The following CWF19L2 variants were observed in gnomAD, a reference collection of about 807,000 sequenced individuals.
CWF19L2 encodes CWF19 like cell cycle control factor 2.
In CWF19L2, 98 loss-of-function variants were observed where a neutral mutation model predicts 111.7. The ratio of observed to expected loss-of-function variants is 0.88; its 90% CI spans 0.75 to 1.04. The LOEUF (loss-of-function observed/expected upper bound fraction) is 1.04. CWF19L2 is among the 50% of genes least tolerant of loss of function. The pLI, the probability that CWF19L2 is intolerant of heterozygous loss-of-function variation, is 0.00. For missense variants in CWF19L2, 1,101 were observed against 1,051.4 expected, an observed-to-expected ratio of 1.05 and a Z score of -0.65; for synonymous variants, 351 against 342.9, an observed-to-expected ratio of 1.02 and a Z score of -0.26.
intron 12 of CWF19L2, among the ~76,000 whole-genome samples, chr11:107,384,761 C>T (rs1244792280): frequency 6.6e-6 from 1 of 152,194 alleles, no homozygotes; most frequent in African/African-American, 2.4e-5. Context: ...AAAATATTTA[C>T]TGTCTGGCCC....
At chr11:107,373,076 C>T (rs7106823) in intron 12 of CWF19L2, among the ~76,000 whole-genome samples, 3,520 of 27,148 alleles carry the variant, frequency 0.13, 1,013 homozygotes, top group African/African-American at 0.22. Context: ...GCTTAAAAAA[C>T]GGCACACTAC....
intron 16 of CWF19L2, among the ~76,000 whole-genome samples, chr11:107,332,990 C>T (rs1715614062): frequency 4.6e-5 from 7 of 151,826 alleles, no homozygotes; most frequent in Admixed American, 4.6e-4. Flanking sequence ...TGGTGGTGCG[C>T]TCCTGTATTC....
At chr11:107,450,671 C>T (rs1434988732) in intron 3 of CWF19L2, among the ~76,000 whole-genome samples, 1 of 151,952 alleles carries the variant, frequency 6.6e-6, no homozygotes, top group African/African-American at 2.4e-5. Flanking sequence ...TACATTAAAA[C>T]TAAAAGAATT....
At chr11:107,416,356 A>G in intron 9 of CWF19L2, 58 bp from the exon 10 acceptor site, 1 of 724,834 alleles carries the variant, frequency 1.4e-6, no homozygotes, top group South Asian at 2.5e-5. Context: ...CTTTACGACA[A>G]AATGTTCAAA....
chr11:107,385,113 C>T (rs950770996), intron 12 of CWF19L2, among the ~76,000 whole-genome samples: 5 of 151,798 alleles, frequency 3.3e-5, no homozygotes, highest in East Asian at 1.9e-4. Context: ...CTTTTAGTAA[C>T]GCCTCAAATT....
intron 9 of CWF19L2, 71 bp from the exon 10 acceptor site, chr11:107,416,369 T>C: frequency 1.6e-6 from 1 of 637,052 alleles, no homozygotes. Flanking sequence ...TGTTCAAATT[T>C]ACACAACAGA....
chr11:107,387,097 C>G (rs1357016806), intron 12 of CWF19L2, among the ~76,000 whole-genome samples: 1 of 151,862 alleles, frequency 6.6e-6, no homozygotes, highest in African/African-American at 2.4e-5. Context: ...ATGGGAGAAC[C>G]AGCATCTACC....
At chr11:107,363,453 AT>A (rs1252060585) in intron 12 of CWF19L2, among the ~76,000 whole-genome samples, 1 of 152,046 alleles carries the variant, frequency 6.6e-6, no homozygotes. Context: ...AGGGAAGCCC[AT>A]CAGACTACCA....
intron 16 of CWF19L2, among the ~76,000 whole-genome samples, chr11:107,331,674 G>A (rs532014762): frequency 6.6e-6 from 1 of 152,188 alleles, no homozygotes; most frequent in South Asian, 2.1e-4. Context: ...AATCTATGGC[G>A]TTTTAGGCCA....
intron 8 of CWF19L2, among the ~76,000 whole-genome samples, chr11:107,425,734 T>A (rs1011589200): frequency 6.6e-6 from 1 of 151,926 alleles, no homozygotes; most frequent in Non-Finnish European, 1.5e-5. Context: ...GAATCTAGCA[T>A]CCTTTGCTTG....
At chr11:107,441,672 A>G in intron 4 of CWF19L2, 50 bp from the exon 5 acceptor site, 1 of 1,447,726 alleles carries the variant, frequency 6.9e-7, no homozygotes, top group Non-Finnish European at 9.1e-7. Flanking sequence ...CATCATTTCA[A>G]TCTGAACTGA....
At chr11:107,329,252 T>C (rs1245002421) in intron 17 of CWF19L2, among the ~76,000 whole-genome samples, 3 of 152,206 alleles carry the variant, frequency 2.0e-5, no homozygotes, top group African/African-American at 7.2e-5. Context: ...CACTATTCTG[T>C]AGACTTTAAT....
At chr11:107,336,840 T>C (rs10749903) in intron 14 of CWF19L2, 127 bp from the exon 15 acceptor site, 198,356 of 574,750 alleles carry the variant, frequency 0.35, 35,318 homozygotes, top group East Asian at 0.46. Flanking sequence ...GAAAAATAAA[T>C]AAAATAAACA....
chr11:107,436,089 G>A (rs922377509), intron 6 of CWF19L2, among the ~76,000 whole-genome samples: 8 of 151,582 alleles, frequency 5.3e-5, no homozygotes, highest in Non-Finnish European at 2.9e-5. Context: ...AGGAGGCAGA[G>A]GCTGCAGTGA....
At chr11:107,358,863 C>G (rs1186668882) in intron 12 of CWF19L2, among the ~76,000 whole-genome samples, 1 of 152,174 alleles carries the variant, frequency 6.6e-6, no homozygotes, top group Non-Finnish European at 1.5e-5. Flanking sequence ...AGGAGTAAAG[C>G]TGGTCTTGAG....
chr11:107,381,644 A>G (rs1860688050), intron 12 of CWF19L2, among the ~76,000 whole-genome samples: 1 of 152,198 alleles, frequency 6.6e-6, no homozygotes, highest in Non-Finnish European at 1.5e-5. Context: ...ATAAGCTGGC[A>G]ATTTCAATAT....
At chr11:107,358,062 G>A (rs1488517543) in intron 12 of CWF19L2, among the ~76,000 whole-genome samples, 2 of 152,132 alleles carry the variant, frequency 1.3e-5, no homozygotes, top group Non-Finnish European at 2.9e-5. Context: ...ACACTCACTA[G>A]GATGGCTACA....
intron 3 of CWF19L2, among the ~76,000 whole-genome samples, chr11:107,451,580 T>C (rs1165363251): frequency 6.6e-6 from 1 of 151,814 alleles, no homozygotes; most frequent in Non-Finnish European, 1.5e-5. Flanking sequence ...AAAATAGAAA[T>C]TACCAAAATC....
In CWF19L2 at chr11:107,371,337, A is replaced by C. The variant is rs943763485; in HGVS notation, c.1873-17601T>G. ...TATCTTTAGTGTTAATGGGTCATGC[A>C]TATTATGCCAAGATGTAAAAAATCC... On this transcript the variant is annotated intron_variant, in intron 12 of 17. Coordinates refer to ENST00000282251, the MANE Select transcript of CWF19L2 (RefSeq NM_152434.3). Among the ~76,000 whole-genome samples, 4 of 137,672 alleles carry C rather than the reference A, an allele frequency of 2.9e-5. 1 individual carries two copies. The highest frequency in any genetic ancestry group is 2.1e-4 in the Admixed American group (3 of 14,094). 90.3% of individuals were successfully genotyped at this position (137,672 alleles called of 152,430 possible).
Sources: gnomAD v4.1 joint callset for allele counts (sites outside exome capture counted in the v4.1 genomes callset) on GRCh38, gnomAD v4.1.1 for gene constraint, MANE v1.5 for transcripts, NCBI Gene and HGNC (gene_info 2026-07-23, HGNC 2026-07-21) for gene names.